The following DACH1 variants were observed in gnomAD, a reference collection of about 807,000 sequenced individuals.
DACH1 encodes the protein dachshund family transcription factor 1.
DACH1 carries 12 observed loss-of-function variants against 54.2 expected under a neutral mutation model. The observed-to-expected ratio is 0.22, with a 90% CI of 0.14 to 0.36. The LOEUF (loss-of-function observed/expected upper bound fraction) is 0.36. Ranked by LOEUF, DACH1 falls within the 10% of genes least tolerant of loss-of-function variation. The pLI, the probability that DACH1 is intolerant of heterozygous loss-of-function variation, is 1.00. For missense variants in DACH1, 805 were observed against 929.8 expected, an observed-to-expected ratio of 0.87 and a Z score of 1.75; for synonymous variants, 386 against 366.2, an observed-to-expected ratio of 1.05 and a Z score of -0.62.
Position 71,626,318 on chromosome 13 carries a change from A to G in DACH1, c.1126+4238T>C, listed in dbSNP as rs377397110. On this transcript the variant is annotated intron_variant, in intron 3 of 10. Coordinates refer to ENST00000613252, the MANE Select transcript of DACH1 (RefSeq NM_080759.6). ...GTAAAATTAAGTTTCCTTTATTTAG[A>G]TTAAACTGATTGTGATTAATTTAGT... Among the ~76,000 whole-genome samples, 7 of 152,150 alleles carry G rather than the reference A, an allele frequency of 4.6e-5. No individual in the cohort carries two copies. In the East Asian group the frequency reaches 7.7e-4, roughly 17 times the overall value.
rs932981954 is a variant in DACH1, at chr13:71,866,437, C to T, written c.333G>A (p.Ala111=). The part of the protein sequence containing the change: ...GSNCNPNLAA[A]SNGSGGGGGG... ...CGCCGCCGCCGCCGCTGCCGTTGCTCGCGGCCGCCAGGTTGGGGTTGCAGT... is the reference window on the plus strand; with the variant it reads ...CGCCGCCGCCGCCGCTGCCGTTGCTTGCGGCCGCCAGGTTGGGGTTGCAGT... Residue 111 remains alanine (A), a synonymous_variant, in exon 1 of 11, where the codon GCG becomes GCA. Coordinates refer to ENST00000613252, the MANE Select transcript of DACH1 (RefSeq NM_080759.6). 7.4e-7 allele frequency: 1 copy of T among 1,357,540 alleles called. No homozygotes were observed. Among genetic ancestry groups the T allele is most frequent in the Admixed American group, 2.7e-5 (1 of 37,016 alleles). The allele number at this position is 1,357,540 out of a possible 1,614,324, so 84.1% of individuals were successfully genotyped here.
chr13:71,784,516 T>C (rs926854378), intron 1 of DACH1, among the ~76,000 whole-genome samples: 1 of 152,106 alleles, frequency 6.6e-6, no homozygotes, highest in South Asian at 2.1e-4. Context: ...CCCACTCACA[T>C]AAGAAAACAG....
chr13:71,803,859 C>A (rs911792714), intron 1 of DACH1, among the ~76,000 whole-genome samples: 1 of 152,106 alleles, frequency 6.6e-6, no homozygotes, highest in Non-Finnish European at 1.5e-5. Context: ...TAAAATCAAG[C>A]CTTAAGGCAT....
intron 1 of DACH1, among the ~76,000 whole-genome samples, chr13:71,726,062 A>G (rs1039301898): frequency 2.6e-5 from 4 of 152,046 alleles, no homozygotes; most frequent in Non-Finnish European, 5.9e-5. Context: ...TGTGCATGCA[A>G]TTTCAGTTGA....
At chr13:71,764,141 T>C (rs998059776) in intron 1 of DACH1, among the ~76,000 whole-genome samples, 1 of 152,216 alleles carries the variant, frequency 6.6e-6, no homozygotes, top group Non-Finnish European at 1.5e-5. Context: ...CATTTTTAAC[T>C]AATATTATTC....
intron 1 of DACH1, among the ~76,000 whole-genome samples, chr13:71,766,330 T>A (rs73525441): frequency 0.032 from 4,800 of 152,284 alleles, 246 homozygotes; most frequent in African/African-American, 0.11. Context: ...TGTTTAAAAT[T>A]CCAATGGCCG....
At chr13:71,497,478 T>C (rs988974145) in intron 6 of DACH1, among the ~76,000 whole-genome samples, 11 of 151,928 alleles carry the variant, frequency 7.2e-5, no homozygotes, top group African/African-American at 1.9e-4. Context: ...GTTACAGATA[T>C]GGGCCACCGT....
At chr13:71,831,249 T>A (rs1888577243) in intron 1 of DACH1, among the ~76,000 whole-genome samples, 1 of 151,880 alleles carries the variant, frequency 6.6e-6, no homozygotes, top group Admixed American at 6.6e-5. Context: ...AATTTTTTTA[T>A]TCCTAAATAT....
intron 2 of DACH1, chr13:71,674,924 A>G: frequency 1.6e-6 from 1 of 627,930 alleles, no homozygotes; most frequent in South Asian, 2.0e-5. Flanking sequence ...TATTTCCTAG[A>G]TATATAAATA....
At chr13:71,653,483 C>T (rs956517208) in intron 2 of DACH1, among the ~76,000 whole-genome samples, 5 of 152,192 alleles carry the variant, frequency 3.3e-5, no homozygotes, top group African/African-American at 9.7e-5. Flanking sequence ...CAAAGGCAGA[C>T]GCTGCCCTAC....
chr13:71,754,810 C>G (rs1885075212), intron 1 of DACH1, among the ~76,000 whole-genome samples: 1 of 151,088 alleles, frequency 6.6e-6, no homozygotes, highest in South Asian at 2.1e-4. Flanking sequence ...TCTGGTGATT[C>G]ACTGCATTGC....
At chr13:71,863,866 A>T (rs931460928) in intron 1 of DACH1, among the ~76,000 whole-genome samples, 2 of 149,842 alleles carry the variant, frequency 1.3e-5, no homozygotes, top group African/African-American at 4.9e-5. Flanking sequence ...GATACCGAGG[A>T]GAGTAGATGT....
rs1375039723 is a variant in DACH1 at position 71,816,569 on chromosome 13, TATATATATACAC to T, written c.848+49341_848+49352del. Among the ~76,000 whole-genome samples the T allele has an allele frequency of 3.9e-3, 563 of 145,528 alleles. 1 individual carries two copies. The highest frequency in any genetic ancestry group is 0.014 in the African/African-American group (540 of 39,106). On this transcript the variant is annotated intron_variant, in intron 1 of 10. Coordinates refer to ENST00000613252, the MANE Select transcript of DACH1 (RefSeq NM_080759.6). ...TATGTGGTATATACATATATGTGTGTATATATATACACGTATATATATACACACATATGTGTG... is the reference window on the plus strand; with the variant it reads ...TATGTGGTATATACATATATGTGTGTGTATATATATACACACATATGTGTG...
At chr13:71,503,114 C>T (rs1438454778) in intron 6 of DACH1, among the ~76,000 whole-genome samples, 4 of 152,136 alleles carry the variant, frequency 2.6e-5, no homozygotes, top group Non-Finnish European at 5.9e-5. Flanking sequence ...CAAGTCATAC[C>T]TAGAACCACT....
At chr13:71,695,011 CTTA>C (rs1881748042) in intron 1 of DACH1, among the ~76,000 whole-genome samples, 1 of 151,962 alleles carries the variant, frequency 6.6e-6, no homozygotes, top group Non-Finnish European at 1.5e-5. Context: ...TATAAGTTTT[CTTA>C]TTATTTCAAA....
chr13:71,715,942 C>G (rs528930090), intron 1 of DACH1, among the ~76,000 whole-genome samples: 2 of 152,108 alleles, frequency 1.3e-5, no homozygotes, highest in African/African-American at 2.4e-5. Context: ...AGTTTGAAAT[C>G]TATCTTTCTA....
At chr13:71,556,337 T>G (rs1308800397) in intron 6 of DACH1, among the ~76,000 whole-genome samples, 1 of 152,064 alleles carries the variant, frequency 6.6e-6, no homozygotes, top group Admixed American at 6.6e-5. Flanking sequence ...AAAAAATAGG[T>G]GGGAAGATTC....
chr13:71,789,119 A>C (rs968582251), intron 1 of DACH1, among the ~76,000 whole-genome samples: 2 of 152,180 alleles, frequency 1.3e-5, no homozygotes, highest in African/African-American at 2.4e-5. Flanking sequence ...AAAGTAAGCC[A>C]AGTCAAATTC....
intron 1 of DACH1, among the ~76,000 whole-genome samples, chr13:71,835,903 C>A (rs549061966): frequency 2.0e-5 from 3 of 152,022 alleles, no homozygotes; most frequent in African/African-American, 7.2e-5. Flanking sequence ...TCGCAGAGAT[C>A]TGGAAATTTT....
Sources: gnomAD v4.1 joint callset for allele counts (sites outside exome capture counted in the v4.1 genomes callset) on GRCh38, gnomAD v4.1.1 for gene constraint, MANE v1.5 for transcripts, NCBI Gene and HGNC (gene_info 2026-07-23, HGNC 2026-07-21) for gene names.